Variants in TNFRSF10C observed in about 807,000 individuals in gnomAD.
The protein encoded by TNFRSF10C is tumor necrosis factor receptor superfamily member 10C.
A neutral mutation model predicts 16.7 loss-of-function variants in TNFRSF10C; 17 were observed. That is an observed-to-expected ratio of 1.02 (90% confidence interval 0.70 to 1.53). The LOEUF is 1.53. Ranked by LOEUF, TNFRSF10C falls within the 40% of genes most tolerant of loss-of-function variation. TNFRSF10C has a pLI of 0.00. For synonymous variants in TNFRSF10C, 73 were observed against 119.7 expected, an observed-to-expected ratio of 0.61 and a Z score of 2.55; for missense variants, 237 against 329.7, an observed-to-expected ratio of 0.72 and a Z score of 2.18.
Position 23,117,091 on chromosome 8 carries a change from G to A in TNFRSF10C, c.*60G>A. ...TGAAAGGTTCAGGTAGGCGCTGGCT[G>A]AGGGCGGGGGGCGCTGGACACTCTC... On this transcript the variant is annotated 3_prime_UTR_variant, in exon 5 of 5. Transcript: ENST00000356864. 1 of 1,580,366 alleles carries A rather than the reference G, an allele frequency of 6.3e-7. No homozygotes were observed. The highest frequency in any genetic ancestry group is 1.2e-5 in the South Asian group (1 of 84,870).
At chr8:23,114,808 G>C in intron 3 of TNFRSF10C, 38 bp downstream of exon 3, 2 of 1,576,406 alleles carry the variant, frequency 1.3e-6, no homozygotes, top group Non-Finnish European at 1.7e-6. Context: ...GAGGTGGAGC[G>C]TGGGGCAATG....
In TNFRSF10C at chr8:23,107,348, G is replaced by A. The variant is rs749081111; in HGVS notation, c.60+4167G>A. On this transcript the variant is annotated intron_variant, in intron 1 of 4. Transcript: ENST00000356864. ...ATTGCTGGGGACATAGGAGCAAAGC[G>A]GAAGAGAGGATTACATTGAAGAATG... Among the ~76,000 whole-genome samples, 17 of 152,176 alleles carry A rather than the reference G, an allele frequency of 1.1e-4. 1 individual carries two copies. The highest frequency in any genetic ancestry group is 2.1e-4 in the Non-Finnish European group (14 of 68,018).
rs56263402 is a variant in TNFRSF10C, at chr8:23,110,069, C to CAAAAAAAAAAAAAA, written c.61-1638_61-1625dup. 1.2e-3 allele frequency among the ~76,000 whole-genome samples: 48 copies of CAAAAAAAAAAAAAA among 39,636 alleles called. 8 individuals are homozygous for CAAAAAAAAAAAAAA. The highest frequency in any genetic ancestry group is 6.5e-3 in the East Asian group (7 of 1,070). The allele number at this position is 39,636 out of a possible 152,430, so 26.0% of individuals were successfully genotyped here. On this transcript the variant is annotated intron_variant, in intron 1 of 4. Coordinates refer to ENST00000356864, the MANE Select transcript of TNFRSF10C (RefSeq NM_003841.5). ...GGAGGACAGAGGGAGACCCTGTCTCCAAAAAAAAAAAAAAAAAAAAAAAAA... is the reference window on the plus strand; with the variant it reads ...GGAGGACAGAGGGAGACCCTGTCTCCAAAAAAAAAAAAAAAAAAAAAAAAAAAAAAAAAAAAAAA...
intron 3 of TNFRSF10C, 80 bp from the exon 4 acceptor site, chr8:23,115,428 G>C: frequency 8.1e-7 from 1 of 1,233,034 alleles, no homozygotes; most frequent in African/African-American, 1.5e-5. Flanking sequence ...GTTGAGCTGA[G>C]TGGGAGGGGG....
chr8:23,103,345 C>G, intron 1 of TNFRSF10C, 164 bp downstream of exon 1: 1 of 1,319,750 alleles, frequency 7.6e-7, no homozygotes, highest in South Asian at 1.3e-5. Context: ...ACTGGGTCCC[C>G]GGGCTGGGCA....
intron 2 of TNFRSF10C, 76 bp from the exon 3 acceptor site, chr8:23,114,581 A>C: frequency 8.1e-7 from 1 of 1,238,172 alleles, no homozygotes; most frequent in Admixed American, 1.8e-5. Context: ...AGGGCCAAAA[A>C]AGAAGTTTCC....
At chr8:23,110,513 T>C (rs1039387570) in intron 1 of TNFRSF10C, among the ~76,000 whole-genome samples, 1 of 152,250 alleles carries the variant, frequency 6.6e-6, no homozygotes, top group Admixed American at 6.5e-5. Context: ...CTTTAGTGTG[T>C]ACTTTCTACA....
intron 1 of TNFRSF10C, among the ~76,000 whole-genome samples, chr8:23,106,045 C>T (rs1407961200): frequency 3.3e-5 from 5 of 152,136 alleles, no homozygotes; most frequent in South Asian, 2.1e-4. Flanking sequence ...GCCACAACTG[C>T]GCGCACTTCA....
chr8:23,105,931 C>A (rs927674128), intron 1 of TNFRSF10C, among the ~76,000 whole-genome samples: 1 of 152,158 alleles, frequency 6.6e-6, no homozygotes, highest in African/African-American at 2.4e-5. Flanking sequence ...CTCTGAGCAG[C>A]TGCTTCTCTG....
At chr8:23,112,588 C>G (rs894893774) in intron 2 of TNFRSF10C, among the ~76,000 whole-genome samples, 2 of 152,226 alleles carry the variant, frequency 1.3e-5, no homozygotes, top group East Asian at 1.9e-4. Context: ...CTGTGCCTGG[C>G]TTATTTCACT....
intron 1 of TNFRSF10C, 69 bp from the exon 2 acceptor site, chr8:23,111,651 T>A: frequency 8.2e-7 from 1 of 1,214,826 alleles, no homozygotes; most frequent in Non-Finnish European, 1.2e-6. Context: ...GTGAAGGGAA[T>A]GTGAGATGGA....
At chr8:23,109,066 G>T (rs1007723745) in intron 1 of TNFRSF10C, among the ~76,000 whole-genome samples, 1 of 152,176 alleles carries the variant, frequency 6.6e-6, no homozygotes. Context: ...CAAAAGTGGT[G>T]CGAAATAGCT....
intron 2 of TNFRSF10C, chr8:23,114,421 A>T (rs1045147820): frequency 1.3e-4 from 49 of 386,348 alleles, no homozygotes; most frequent in African/African-American, 8.0e-4. Context: ...TACTATTTTA[A>T]TATGGCTCTC....
At chr8:23,113,460 G>A (rs1391726841) in intron 2 of TNFRSF10C, among the ~76,000 whole-genome samples, 1 of 152,076 alleles carries the variant, frequency 6.6e-6, no homozygotes, top group African/African-American at 2.4e-5. Flanking sequence ...AGTCCATTTT[G>A]AATTAATTTT....
intron 2 of TNFRSF10C, among the ~76,000 whole-genome samples, chr8:23,113,046 G>A (rs1813909708): frequency 6.6e-6 from 1 of 152,152 alleles, no homozygotes; most frequent in Non-Finnish European, 1.5e-5. Context: ...TTGATGGTTA[G>A]TGATGCTGAG....
chr8:23,104,502 A>G (rs1269009023), intron 1 of TNFRSF10C, among the ~76,000 whole-genome samples: 2 of 152,210 alleles, frequency 1.3e-5, no homozygotes, highest in Admixed American at 1.3e-4. Flanking sequence ...ATACCCTTGT[A>G]TGTATCGTGT....
rs1357117031 is a variant in TNFRSF10C at position 23,103,190 on chromosome 8, C to G, written c.60+9C>G. The G allele has an allele frequency of 6.2e-7, 1 of 1,609,104 alleles. No individual in the cohort carries two copies. The highest frequency in any genetic ancestry group is 8.5e-7 in the Non-Finnish European group (1 of 1,178,124). ...TCGCGGTCCTGCTGCCAGTGAGTCC[C>G]GGCCGCGGTCCCTGGCTGGGGAAGA... On this transcript the variant is annotated intron_variant, in intron 1 of 4. Transcript: ENST00000356864.
intron 1 of TNFRSF10C, among the ~76,000 whole-genome samples, chr8:23,110,531 A>G (rs1813861547): frequency 6.6e-6 from 1 of 152,236 alleles, no homozygotes; most frequent in Non-Finnish European, 1.5e-5. Context: ...ACAAACAAGG[A>G]AATTAACATC....
intron 2 of TNFRSF10C, 131 bp from the exon 3 acceptor site, chr8:23,114,526 A>G (rs1298417910): frequency 1.5e-6 from 1 of 677,858 alleles, no homozygotes; most frequent in Admixed American, 2.7e-5. Context: ...AATGGATGAC[A>G]AGACCAAGCC....
Sources: gnomAD v4.1 joint callset for allele counts (sites outside exome capture counted in the v4.1 genomes callset) on GRCh38, gnomAD v4.1.1 for gene constraint, MANE v1.5 for transcripts, NCBI Gene and HGNC (gene_info 2026-07-23, HGNC 2026-07-21) for gene names.